SORCS3: variants seen among roughly 807,000 people sequenced by gnomAD.
The protein encoded by SORCS3 is VPS10 domain-containing receptor SorCS3.
In SORCS3, 57 loss-of-function variants were observed where a neutral mutation model predicts 146.3. That is an observed-to-expected ratio of 0.39 (90% CI 0.31 to 0.49). The LOEUF is 0.49. SORCS3 is among the 20% of genes least tolerant of loss of function. The pLI, the probability that SORCS3 is intolerant of heterozygous loss-of-function variation, is 0.92. For synonymous variants in SORCS3, 653 were observed against 618.5 expected, an observed-to-expected ratio of 1.06 and a Z score of -0.83; for missense variants, 1,341 against 1,575.5, an observed-to-expected ratio of 0.85 and a Z score of 2.52.
intron 5 of SORCS3, among the ~76,000 whole-genome samples, chr10:105,059,167 G>T (rs1430656568): frequency 1.3e-5 from 2 of 152,062 alleles, no homozygotes; most frequent in South Asian, 2.1e-4. Flanking sequence ...AGTCCCAGGT[G>T]TTCCCCTTTG....
chr10:105,215,433 C>T (rs1351861583), intron 18 of SORCS3, among the ~76,000 whole-genome samples: 1 of 152,106 alleles, frequency 6.6e-6, no homozygotes, highest in African/African-American at 2.4e-5. Context: ...CAAGTATGAG[C>T]ACTTCAGAAA....
At chr10:104,933,248 A>C (rs1007804964) in intron 3 of SORCS3, among the ~76,000 whole-genome samples, 2 of 151,968 alleles carry the variant, frequency 1.3e-5, no homozygotes, top group East Asian at 3.9e-4. Context: ...CTTGGAAGAC[A>C]AAGTCCTTTC....
At chr10:104,851,875 C>G (rs1488142138) in intron 2 of SORCS3, among the ~76,000 whole-genome samples, 1 of 152,168 alleles carries the variant, frequency 6.6e-6, no homozygotes, top group Non-Finnish European at 1.5e-5. Context: ...CTGGCAAATT[C>G]CCTTGTAAGA....
At chr10:105,110,346 A>G (rs2055851294) in intron 7 of SORCS3, among the ~76,000 whole-genome samples, 1 of 151,464 alleles carries the variant, frequency 6.6e-6, no homozygotes, top group African/African-American at 2.4e-5. Flanking sequence ...TGCAATTTTT[A>G]TTTGCTCTAT....
At chr10:104,966,922 C>T (rs2054829143) in intron 3 of SORCS3, among the ~76,000 whole-genome samples, 1 of 151,678 alleles carries the variant, frequency 6.6e-6, no homozygotes, top group South Asian at 2.1e-4. Context: ...TATTATTCAA[C>T]ATTCTCAGGA....
At chr10:105,073,279 G>A (rs578224906) in intron 5 of SORCS3, among the ~76,000 whole-genome samples, 5 of 152,232 alleles carry the variant, frequency 3.3e-5, no homozygotes, top group East Asian at 3.9e-4. Context: ...TTCCAGGTGC[G>A]GAGATCTTGC....
At chr10:105,223,063 A>C in intron 19 of SORCS3, 53 bp from the exon 20 acceptor site, 2 of 1,541,986 alleles carry the variant, frequency 1.3e-6, no homozygotes, top group Non-Finnish European at 1.8e-6. Context: ...GGTGTGATAC[A>C]GTTTGACCAC....
intron 23 of SORCS3, among the ~76,000 whole-genome samples, chr10:105,254,305 G>C (rs1457985455): frequency 6.6e-6 from 1 of 152,134 alleles, no homozygotes; most frequent in African/African-American, 2.4e-5. Context: ...ATGATGGGTT[G>C]AACTTCTTTC....
intron 4 of SORCS3, among the ~76,000 whole-genome samples, chr10:105,042,351 A>G (rs1409785393): frequency 6.6e-6 from 1 of 152,244 alleles, no homozygotes; most frequent in Non-Finnish European, 1.5e-5. Flanking sequence ...GCTTAAATGT[A>G]TATGAAAGAA....
chr10:104,988,231 G>T (rs2054973632), intron 4 of SORCS3, among the ~76,000 whole-genome samples: 1 of 152,166 alleles, frequency 6.6e-6, no homozygotes, highest in Non-Finnish European at 1.5e-5. Flanking sequence ...TGGTTGATAG[G>T]TGGGCTTTCC....
At chr10:104,979,600 G>A (rs2054921327) in intron 4 of SORCS3, among the ~76,000 whole-genome samples, 1 of 152,000 alleles carries the variant, frequency 6.6e-6, no homozygotes, top group South Asian at 2.1e-4. Context: ...ATCATGTGAT[G>A]TCAGCACCTT....
intron 2 of SORCS3, among the ~76,000 whole-genome samples, chr10:104,845,444 C>T (rs944383187): frequency 7.2e-5 from 11 of 152,284 alleles, no homozygotes; most frequent in African/African-American, 2.6e-4. Context: ...TTAAGTGAAA[C>T]AAATATAAAA....
intron 20 of SORCS3, among the ~76,000 whole-genome samples, chr10:105,244,986 T>TA (rs1444547319): frequency 2.0e-5 from 3 of 148,684 alleles, no homozygotes; most frequent in Non-Finnish European, 4.4e-5. Flanking sequence ...GGAGAATTGT[T>TA]AGAACCCAGG....
chr10:104,677,165 T>C (rs1448851128), intron 1 of SORCS3, among the ~76,000 whole-genome samples: 1 of 152,076 alleles, frequency 6.6e-6, no homozygotes, highest in Non-Finnish European at 1.5e-5. Context: ...AGTCCAACCT[T>C]TTGTGGTGAC....
chr10:104,973,008 C>A (rs1213816882), intron 3 of SORCS3, among the ~76,000 whole-genome samples: 4 of 152,102 alleles, frequency 2.6e-5, no homozygotes, highest in Admixed American at 1.3e-4. Flanking sequence ...TATTGATTTG[C>A]GTATATTGAA....
intron 19 of SORCS3, among the ~76,000 whole-genome samples, chr10:105,222,173 C>T (rs1457427243): frequency 6.6e-6 from 1 of 150,680 alleles, no homozygotes; most frequent in Non-Finnish European, 1.5e-5. Context: ...ATTCTCCTGC[C>T]TCAGCCTCCC....
At chr10:104,861,077 AG>A (rs766148277) in intron 2 of SORCS3, among the ~76,000 whole-genome samples, 11 of 152,156 alleles carry the variant, frequency 7.2e-5, no homozygotes, top group Non-Finnish European at 1.6e-4. Context: ...GGTGTGTGGA[AG>A]GGTCCAGTCT....
intron 4 of SORCS3, among the ~76,000 whole-genome samples, chr10:105,002,026 C>T (rs767817911): frequency 1.2e-4 from 18 of 152,132 alleles, no homozygotes; most frequent in Non-Finnish European, 2.4e-4. Flanking sequence ...TTTCCCTGGA[C>T]ACGTGGGGAA....
intron 3 of SORCS3, among the ~76,000 whole-genome samples, chr10:104,957,641 C>T (rs545170007): frequency 1.3e-5 from 2 of 152,184 alleles, no homozygotes; most frequent in East Asian, 3.9e-4. Context: ...TGTTTCTTAC[C>T]TCTTCAGTCC....
Sources: allele counts gnomAD v4.1 joint callset (sites outside exome capture counted in the v4.1 genomes callset), GRCh38; gene constraint gnomAD v4.1.1; transcripts MANE v1.5; gene names NCBI Gene and HGNC (gene_info 2026-07-23, HGNC 2026-07-21).